CNTNAP5: variants seen among roughly 807,000 people sequenced by gnomAD.
The protein encoded by CNTNAP5 is contactin associated protein family member 5, also known as contactin-associated protein-like 5.
Under a neutral mutation model 150.2 loss-of-function variants are expected in CNTNAP5, and 72 were observed. The ratio of observed to expected loss-of-function variants is 0.48; its 90% CI spans 0.40 to 0.58. The LOEUF (loss-of-function observed/expected upper bound fraction) is 0.58, where lower values mean the gene tolerates loss of function less well. Among genes scored for constraint, CNTNAP5 ranks in the 20% least tolerant of loss-of-function variants. The pLI, the probability that CNTNAP5 is intolerant of heterozygous loss-of-function variation, is 0.00. For synonymous variants in CNTNAP5, 672 were observed against 619.8 expected, an observed-to-expected ratio of 1.08 and a Z score of -1.25; for missense variants, 1,636 against 1,626.2, an observed-to-expected ratio of 1.01 and a Z score of -0.10.
At chr2:124,048,941 G>A (rs1681616894) in intron 1 of CNTNAP5, among the ~76,000 whole-genome samples, 1 of 152,206 alleles carries the variant, frequency 6.6e-6, no homozygotes, top group Non-Finnish European at 1.5e-5. Context: ...TACATCAAAT[G>A]CAAGTTTGTT....
At chr2:124,475,067 G>A (rs905744623) in intron 7 of CNTNAP5, among the ~76,000 whole-genome samples, 185 bp downstream of exon 7, 10 of 151,972 alleles carry the variant, frequency 6.6e-5, no homozygotes, top group African/African-American at 2.2e-4. Flanking sequence ...AATTGCACTA[G>A]TGGAAGAAAC....
At chr2:124,845,594 A>T (rs1683032615) in intron 19 of CNTNAP5, among the ~76,000 whole-genome samples, 1 of 152,018 alleles carries the variant, frequency 6.6e-6, no homozygotes. Context: ...GATAGAATTA[A>T]ACTGTGAATC....
At chr2:124,707,201 G>GAAGAAT (rs1384848342) in intron 13 of CNTNAP5, among the ~76,000 whole-genome samples, 20 of 140,626 alleles carry the variant, frequency 1.4e-4, no homozygotes, top group South Asian at 4.7e-4. Context: ...AGAAGAAGAA[G>GAAGAAT]AAGAATAAAC....
chr2:124,400,370 G>GT lies in CNTNAP5; in HGVS notation c.382-17072dup, dbSNP rs200977965. ...CATGCTGGGAAGACAAAAAAGATTT[G>GT]TCAAGATCACTTACTAAAGCTACTG... On this transcript the variant is annotated intron_variant, in intron 3 of 23. Transcript: ENST00000682447. 2.3e-3 allele frequency among the ~76,000 whole-genome samples: 350 copies of GT among 152,224 alleles called. 1 individual carries two copies. Among genetic ancestry groups the GT allele is most frequent in the African/African-American group, 8.1e-3 (338 of 41,554 alleles).
intron 18 of CNTNAP5, among the ~76,000 whole-genome samples, chr2:124,792,018 A>G (rs1681745834): frequency 6.6e-6 from 1 of 152,140 alleles, no homozygotes; most frequent in South Asian, 2.1e-4. Context: ...TGTGGCCGGA[A>G]CTGAAATGGG....
intron 19 of CNTNAP5, among the ~76,000 whole-genome samples, chr2:124,815,082 T>C (rs1447598298): frequency 6.6e-6 from 1 of 152,190 alleles, no homozygotes; most frequent in Non-Finnish European, 1.5e-5. Flanking sequence ...TTAATTCCCC[T>C]CTGACGTTCC....
At chr2:124,166,313 A>G (rs942360917) in intron 1 of CNTNAP5, among the ~76,000 whole-genome samples, 3 of 152,170 alleles carry the variant, frequency 2.0e-5, no homozygotes, top group African/African-American at 7.2e-5. Context: ...AGATTTTATA[A>G]TAATAATTAT....
rs778584348 is a variant in CNTNAP5 at position 124,647,816 on chromosome 2, C to G, written c.1935C>G (p.Gly645=). 6.2e-7 allele frequency: 1 copy of G among 1,613,388 alleles called. No homozygotes were observed. The highest frequency in any genetic ancestry group is 1.1e-5 in the South Asian group (1 of 90,934). The change falls in exon 13 of 24, where the codon GGC becomes GGG. Residue 645 remains glycine (G), a synonymous_variant. Transcript: ENST00000682447. The stretch of plus-strand genomic sequence containing the variant: ...ATACAGAGCTGACCCGAGTGCGGGG[C>G]GCTAACCCTGAGAAGCCCTATGCCA... The part of the protein sequence containing the change: ...HNNTELTRVR[G]ANPEKPYAMA...
chr2:124,389,696 G>A (rs1356402390), intron 3 of CNTNAP5, among the ~76,000 whole-genome samples: 1 of 152,194 alleles, frequency 6.6e-6, no homozygotes, highest in Non-Finnish European at 1.5e-5. Context: ...GCTGGGTGCA[G>A]TGGCTCATGC....
chr2:124,809,372 A>G (rs1420841161), intron 19 of CNTNAP5, among the ~76,000 whole-genome samples: 1 of 145,030 alleles, frequency 6.9e-6, no homozygotes, highest in Admixed American at 7.3e-5. Context: ...CCATAAAACA[A>G]TAATATGGTA....
intron 1 of CNTNAP5, among the ~76,000 whole-genome samples, chr2:124,109,345 G>A (rs908217018): frequency 6.6e-6 from 1 of 151,934 alleles, no homozygotes; most frequent in Non-Finnish European, 1.5e-5. Context: ...TCCTGTACTC[G>A]AGGCGAGGCC....
chr2:124,399,881 A>T (rs1691361316), intron 3 of CNTNAP5, among the ~76,000 whole-genome samples: 1 of 152,134 alleles, frequency 6.6e-6, no homozygotes, highest in South Asian at 2.1e-4. Flanking sequence ...CTCTAGCCTG[A>T]CACTTAAGAT....
intron 2 of CNTNAP5, among the ~76,000 whole-genome samples, chr2:124,239,694 ATT>A (rs34649478): frequency 2.0e-5 from 3 of 149,292 alleles, no homozygotes; most frequent in Admixed American, 1.3e-4. Context: ...TTTCAACAAC[ATT>A]TTTTTTTTTT....
At chr2:124,408,141 G>A (rs902605181) in intron 3 of CNTNAP5, among the ~76,000 whole-genome samples, 2 of 152,166 alleles carry the variant, frequency 1.3e-5, no homozygotes, top group Non-Finnish European at 2.9e-5. Flanking sequence ...CTGGAAAATC[G>A]GGTCACTCCC....
intron 1 of CNTNAP5, among the ~76,000 whole-genome samples, chr2:124,166,922 T>C (rs1329493135): frequency 6.6e-6 from 1 of 152,176 alleles, no homozygotes; most frequent in East Asian, 1.9e-4. Flanking sequence ...CAGGATTATA[T>C]CTAAGGCCTC....
At chr2:124,328,237 T>C (rs973603945) in intron 3 of CNTNAP5, among the ~76,000 whole-genome samples, 11 of 152,124 alleles carry the variant, frequency 7.2e-5, no homozygotes, top group African/African-American at 2.7e-4. Context: ...GAGTAAAAAT[T>C]CCACAGGGGA....
chr2:124,730,180 A>G (rs952349496), intron 13 of CNTNAP5, among the ~76,000 whole-genome samples: 1 of 152,078 alleles, frequency 6.6e-6, no homozygotes, highest in African/African-American at 2.4e-5. Context: ...ATATAGCTAC[A>G]AGTTTTTCAA....
intron 11 of CNTNAP5, among the ~76,000 whole-genome samples, chr2:124,577,116 C>T (rs1453132279): frequency 6.6e-6 from 1 of 152,134 alleles, no homozygotes; most frequent in Non-Finnish European, 1.5e-5. Context: ...TACCTTCTAA[C>T]TTTCCTTAGT....
chr2:124,160,900 T>A (rs1382038825), intron 1 of CNTNAP5, among the ~76,000 whole-genome samples: 4 of 152,220 alleles, frequency 2.6e-5, no homozygotes, highest in African/African-American at 9.6e-5. Flanking sequence ...TATTTCATTT[T>A]ATTTGTTTCC....
Sources: gnomAD v4.1 joint callset for allele counts (sites outside exome capture counted in the v4.1 genomes callset) on GRCh38, gnomAD v4.1.1 for gene constraint, MANE v1.5 for transcripts, NCBI Gene and HGNC (gene_info 2026-07-23, HGNC 2026-07-21) for gene names.